The following EPS15 variants were observed in gnomAD, a reference collection of about 807,000 sequenced individuals.
EPS15 encodes the protein epidermal growth factor receptor substrate 15.
In EPS15, 72 loss-of-function variants were observed where a neutral mutation model predicts 113.8. The observed-to-expected ratio is 0.63, with a 90% CI of 0.52 to 0.77. The LOEUF (loss-of-function observed/expected upper bound fraction) is 0.77. Among genes scored for constraint, EPS15 ranks in the 30% least tolerant of loss-of-function variants. The pLI, the probability that EPS15 is intolerant of heterozygous loss-of-function variation, is 0.00. For synonymous variants in EPS15, 344 were observed against 363.4 expected, an observed-to-expected ratio of 0.95 and a Z score of 0.61; for missense variants, 1,048 against 1,045.8, an observed-to-expected ratio of 1.00 and a Z score of -0.03.
intron 8 of EPS15, among the ~76,000 whole-genome samples, chr1:51,448,628 T>C (rs927275369): frequency 1.3e-5 from 2 of 152,190 alleles, no homozygotes; most frequent in Non-Finnish European, 1.5e-5. Context: ...GAAATACCAT[T>C]TTCTACCTAA....
intron 21 of EPS15, among the ~76,000 whole-genome samples, chr1:51,393,402 G>T (rs1349399220): frequency 1.3e-5 from 2 of 152,182 alleles, no homozygotes; most frequent in Non-Finnish European, 2.9e-5. Context: ...TGGAGACGGG[G>T]TTTCACCATG....
intron 17 of EPS15, among the ~76,000 whole-genome samples, 164 bp from the exon 18 acceptor site, chr1:51,402,689 C>T (rs1334345069): frequency 6.6e-6 from 1 of 152,160 alleles, no homozygotes; most frequent in Non-Finnish European, 1.5e-5. Context: ...CTTTGGGAGG[C>T]TGACGTGGGC....
At chr1:51,414,965 C>T (rs542071959) in intron 13 of EPS15, among the ~76,000 whole-genome samples, 6 of 152,192 alleles carry the variant, frequency 3.9e-5, no homozygotes, top group African/African-American at 1.4e-4. Context: ...CTTCATTTTA[C>T]AAATTTACCA....
chr1:51,421,682 T>G, intron 13 of EPS15, 104 bp downstream of exon 13: 1 of 552,646 alleles, frequency 1.8e-6, no homozygotes, highest in Non-Finnish European at 3.0e-6. Context: ...CATTAGGCAT[T>G]CTCTTGACCT....
intron 2 of EPS15, among the ~76,000 whole-genome samples, chr1:51,477,452 C>T (rs1468261219): frequency 6.6e-6 from 1 of 152,036 alleles, no homozygotes; most frequent in Non-Finnish European, 1.5e-5. Context: ...TCTCTATTTC[C>T]TTCAGTTCTG....
At chr1:51,512,691 A>C (rs1199705325) in intron 1 of EPS15, among the ~76,000 whole-genome samples, 1 of 152,184 alleles carries the variant, frequency 6.6e-6, no homozygotes, top group Non-Finnish European at 1.5e-5. Context: ...AGCCTTACCC[A>C]TAAAGAAATA....
chr1:51,401,140 C>A, intron 18 of EPS15, 187 bp from the exon 19 acceptor site: 1 of 442,914 alleles, frequency 2.3e-6, no homozygotes, highest in Non-Finnish European at 4.1e-6. Flanking sequence ...ACCTTGATCA[C>A]AAGTTGAGGT....
At position 51,461,154 on chromosome 1, in the gene EPS15, A is replaced by C; in HGVS notation, c.502-4T>G. 1.3e-6 allele frequency: 2 copies of C among 1,585,454 alleles called. No individual in the cohort carries two copies. The highest frequency in any genetic ancestry group is 1.7e-6 in the Non-Finnish European group (2 of 1,154,152). On this transcript the variant is annotated splice_region_variant and splice_polypyrimidine_tract_variant and intron_variant, in intron 7 of 24. Transcript: ENST00000371733. Reference sequence around the variant, plus strand: ...CAATATCACTCAACTCCCAAACCTTAAAAAGAGAATAATTGAAAAAAGATT... The same window carrying C: ...CAATATCACTCAACTCCCAAACCTTCAAAAGAGAATAATTGAAAAAAGATT...
In EPS15 at chr1:51,356,689, A is replaced by G; in HGVS notation, c.*11T>C. 6.2e-7 allele frequency: 1 copy of G among 1,612,166 alleles called. No individual in the cohort carries two copies. Among genetic ancestry groups the G allele is most frequent in the Admixed American group, 1.7e-5 (1 of 59,822 alleles). On this transcript the variant is annotated 3_prime_UTR_variant, in exon 25 of 25. Transcript: ENST00000371733. ...GAATACTATATTGTTGCCAAAGAAC[A>G]AGAGAATTCTTCATGCTTCTGATAT...
intron 22 of EPS15, among the ~76,000 whole-genome samples, chr1:51,364,977 G>A (rs953141110): frequency 6.6e-6 from 1 of 151,740 alleles, no homozygotes; most frequent in East Asian, 1.9e-4. Context: ...TTACAGGTGC[G>A]TGCCGGCATG....
chr1:51,359,937 C>G (rs1646342755), intron 24 of EPS15, among the ~76,000 whole-genome samples: 1 of 151,696 alleles, frequency 6.6e-6, no homozygotes, highest in Non-Finnish European at 1.5e-5. Flanking sequence ...GGGTCTGGCT[C>G]TGTCACCCAG....
intron 13 of EPS15, among the ~76,000 whole-genome samples, chr1:51,418,335 G>C (rs1004964622): frequency 1.3e-5 from 2 of 152,114 alleles, no homozygotes; most frequent in African/African-American, 4.8e-5. Flanking sequence ...CAAAGGTTCA[G>C]AGAGGTAGGA....
chr1:51,375,968 C>A (rs1377661429), intron 21 of EPS15, among the ~76,000 whole-genome samples: 1 of 152,184 alleles, frequency 6.6e-6, no homozygotes, highest in Non-Finnish European at 1.5e-5. Context: ...AGTACTGATA[C>A]AGAAGTTGCA....
intron 1 of EPS15, among the ~76,000 whole-genome samples, chr1:51,508,344 G>GAAAGAA (rs1161308811): frequency 7.7e-6 from 1 of 129,548 alleles, no homozygotes; most frequent in Non-Finnish European, 1.7e-5. Context: ...AAGAGAGAAA[G>GAAAGAA]AAAGAAAGAA....
intron 24 of EPS15, among the ~76,000 whole-genome samples, chr1:51,358,699 G>GTTTTTT (rs1181151202): frequency 4.6e-5 from 6 of 129,340 alleles, no homozygotes; most frequent in Middle Eastern, 4.1e-3. Context: ...AACCAGATTT[G>GTTTTTT]TTTTTTTTTG....
intron 21 of EPS15, among the ~76,000 whole-genome samples, chr1:51,393,591 C>A (rs1484500708): frequency 6.6e-6 from 1 of 152,212 alleles, no homozygotes; most frequent in Non-Finnish European, 1.5e-5. Flanking sequence ...ACAACTCACT[C>A]TGTATTCACC....
rs71063032 is a variant in EPS15 at position 51,432,298 on chromosome 1, T to TTATGTATGTATG, written c.1040+8037_1040+8048dup. The stretch of plus-strand genomic sequence containing the variant: ...AACAGGTACAAAGAAGCCACATAGA[T>TTATGTATGTATG]TATGTATGTATGTATGTATGTATGT... On this transcript the variant is annotated intron_variant, in intron 12 of 24. Coordinates refer to ENST00000371733, the MANE Select transcript of EPS15 (RefSeq NM_001981.3). 2.2e-3 allele frequency among the ~76,000 whole-genome samples: 314 copies of TTATGTATGTATG among 145,994 alleles called. 1 individual carries two copies. Among genetic ancestry groups the TTATGTATGTATG allele is most frequent in the East Asian group, 6.3e-3 (31 of 4,902 alleles).
intron 1 of EPS15, among the ~76,000 whole-genome samples, chr1:51,489,303 A>ATATG (rs1271674004): frequency 4.1e-4 from 58 of 140,090 alleles, no homozygotes; most frequent in Middle Eastern, 3.8e-3. Flanking sequence ...ATATATATAT[A>ATATG]TATGTATGTA....
At chr1:51,476,315 T>G (rs1161508493) in intron 2 of EPS15, among the ~76,000 whole-genome samples, 2 of 152,190 alleles carry the variant, frequency 1.3e-5, no homozygotes, top group Non-Finnish European at 2.9e-5. Flanking sequence ...TTCATGATAT[T>G]GATTCTTCCT....
Sources: gnomAD v4.1 joint callset for allele counts (sites outside exome capture counted in the v4.1 genomes callset) on GRCh38, gnomAD v4.1.1 for gene constraint, MANE v1.5 for transcripts, NCBI Gene and HGNC (gene_info 2026-07-23, HGNC 2026-07-21) for gene names.